CCNE2: variants seen among roughly 807,000 people sequenced by gnomAD.
CCNE2 encodes the protein G1/S-specific cyclin-E2.
A neutral mutation model predicts 56.8 loss-of-function variants in CCNE2; 18 were observed. The ratio of observed to expected loss-of-function variants is 0.32; its 90% CI spans 0.22 to 0.47. The LOEUF is 0.47. Ranked by LOEUF, CCNE2 falls within the 20% of genes least tolerant of loss-of-function variation. The pLI, the probability that CCNE2 is intolerant of heterozygous loss-of-function variation, is 1.00. For synonymous variants in CCNE2, 139 were observed against 149.2 expected (o/e 0.93, Z 0.50); for missense variants, 371 against 467.1 (o/e 0.79, Z 1.90).
intron 5 of CCNE2, among the ~76,000 whole-genome samples, chr8:94,890,817 C>T (rs1239207351): frequency 6.6e-6 from 1 of 152,008 alleles, no homozygotes; most frequent in Non-Finnish European, 1.5e-5. Flanking sequence ...TAGTCTCGAA[C>T]TCCTGGCCTC....
At position 94,880,366 on chromosome 8, in the gene CCNE2, A is replaced by C. The variant is rs1479235531; in HGVS notation, c.*1266T>G. On this transcript the variant is annotated 3_prime_UTR_variant, in exon 12 of 12. Transcript: ENST00000308108. ...CTTTTCAGACAAAATACTGAAACAA[A>C]TATTAGTTTAAAAACAAACTATACA... is the stretch of plus-strand genomic sequence containing the variant. 3.6e-6 allele frequency: 2 copies of C among 551,058 alleles called. No individual in the cohort carries two copies. The highest frequency in any genetic ancestry group is 6.5e-6 in the Non-Finnish European group (2 of 308,944). 34.1% of individuals were successfully genotyped at this position (551,058 alleles called of 1,614,324 possible).
chr8:94,882,065 C>T (rs754637542), intron 11 of CCNE2, 67 bp downstream of exon 11: 17 of 1,461,608 alleles, frequency 1.2e-5, no homozygotes, highest in Non-Finnish European at 6.5e-6. Context: ...TACTCTATTC[C>T]TACCATCAGT....
chr8:94,882,750 A>G, intron 10 of CCNE2, 31 bp downstream of exon 10: 1 of 1,407,998 alleles, frequency 7.1e-7, no homozygotes, highest in Non-Finnish European at 1.0e-6. Flanking sequence ...AGTTGTGAAA[A>G]GGTAAGAAGA....
At position 94,895,159 on chromosome 8, in the gene CCNE2, C is replaced by A. The variant is rs1003778281; in HGVS notation, c.-27+18G>T. The A allele has an allele frequency of 6.1e-6, 6 of 985,332 alleles. No individual in the cohort carries two copies. The African/African-American group carries it at 1.0e-4, about 17-fold the overall frequency. The allele number at this position is 985,332 out of a possible 1,614,324, so 61.0% of individuals were successfully genotyped here. ...TTTCTTTCCTCCCACATCCCCCCTA[C>A]GCGCAGCAACTCCTCACCGCCAGAC... On this transcript the variant is annotated intron_variant, in intron 1 of 11. Coordinates refer to ENST00000308108, the MANE Select transcript of CCNE2 (RefSeq NM_057749.3).
At chr8:94,889,750 T>C (rs923372647) in intron 6 of CCNE2, among the ~76,000 whole-genome samples, 1 of 152,192 alleles carries the variant, frequency 6.6e-6, no homozygotes, top group Admixed American at 6.5e-5. Context: ...CAGTTTGTCA[T>C]CAACATAAGT....
At chr8:94,888,818 A>T (rs1181822802) in intron 6 of CCNE2, among the ~76,000 whole-genome samples, 1 of 152,150 alleles carries the variant, frequency 6.6e-6, no homozygotes, top group African/African-American at 2.4e-5. Context: ...GAGCCATCAC[A>T]CCTGGCCACA....
At chr8:94,887,808 CAA>C (rs918990552) in intron 7 of CCNE2, 117 bp downstream of exon 7, 89 of 603,550 alleles carry the variant, frequency 1.5e-4, no homozygotes, top group Middle Eastern at 4.7e-4. Context: ...TACTGAGAAA[CAA>C]AAACATTCAC....
intron 6 of CCNE2, 23 bp downstream of exon 6, chr8:94,890,392 A>C (rs779560620): frequency 6.5e-7 from 1 of 1,543,186 alleles, no homozygotes; most frequent in Admixed American, 2.0e-5. Context: ...GAGACAAAGG[A>C]AATTTGTATT....
At chr8:94,892,715 TAC>T (rs142903883) in intron 5 of CCNE2, 101 bp downstream of exon 5, 8,128 of 619,034 alleles carry the variant, frequency 0.013, 83 homozygotes, top group South Asian at 0.016. Flanking sequence ...AAACAATTTT[TAC>T]ACGTTTTTCT....
intron 5 of CCNE2, chr8:94,891,947 C>A: frequency 8.8e-7 from 1 of 1,142,326 alleles, no homozygotes; most frequent in South Asian, 1.2e-5. Context: ...ACCTACAGAG[C>A]TCATGGTCGG....
chr8:94,893,633 C>T, intron 4 of CCNE2: 1 of 504,346 alleles, frequency 2.0e-6, no homozygotes, highest in Non-Finnish European at 3.5e-6. Context: ...TTAGGCGGGC[C>T]CTGGTGCACC....
Position 94,881,446 on chromosome 8 carries a change from CAT to C in CCNE2, c.*184_*185del, listed in dbSNP as rs1816806276. The C allele has an allele frequency of 1.7e-6, 1 of 584,896 alleles. No individual in the cohort carries two copies. The highest frequency in any genetic ancestry group is 2.9e-6 in the Non-Finnish European group (1 of 339,634). 36.2% of individuals were successfully genotyped at this position (584,896 alleles called of 1,614,324 possible). A position where few individuals can be genotyped will look rare whatever the true frequency, so the allele number is the denominator to read the frequency against. On this transcript the variant is annotated 3_prime_UTR_variant, in exon 12 of 12. Coordinates refer to ENST00000308108, the MANE Select transcript of CCNE2 (RefSeq NM_057749.3). ...GTCCTGCTGTTTCTTTAACAGCTAA[CAT>C]AGGAAATAATTAAATGTATTCTTTA...
chr8:94,890,298 AAAG>A, intron 6 of CCNE2, 114 bp downstream of exon 6: 1 of 885,700 alleles, frequency 1.1e-6, no homozygotes. Context: ...GTACCTCAAA[AAAG>A]ACAGCTTCCT....
chr8:94,880,921 G>GC lies in CCNE2; in HGVS notation c.*710dup. 2.5e-6 allele frequency: 1 copy of GC among 398,734 alleles called. No individual in the cohort carries two copies. The highest frequency in any genetic ancestry group is 3.6e-5 in the East Asian group (1 of 27,996). 24.7% of individuals were successfully genotyped at this position (398,734 alleles called of 1,614,324 possible). A position where few individuals can be genotyped will look rare whatever the true frequency, so the allele number is the denominator to read the frequency against. ...TCAAGAAAGCCCCAGTTAGGAAGGA[G>GC]CCACAGCATTTATCTTGTTTATAAT... On this transcript the variant is annotated 3_prime_UTR_variant, in exon 12 of 12. Coordinates refer to ENST00000308108, the MANE Select transcript of CCNE2 (RefSeq NM_057749.3).
intron 9 of CCNE2, 33 bp from the exon 10 acceptor site, chr8:94,882,925 G>GTACTCATCTTTCTCCTAAATT: frequency 1.5e-6 from 2 of 1,353,610 alleles, no homozygotes; most frequent in Non-Finnish European, 2.1e-6. Flanking sequence ...AAGCAATTTA[G>GTACTCATCTTTCTCCTAAATT]GAGAAAGATG....
intron 6 of CCNE2, among the ~76,000 whole-genome samples, chr8:94,889,016 C>T (rs2131112448): frequency 6.6e-6 from 1 of 152,136 alleles, no homozygotes; most frequent in South Asian, 2.1e-4. Flanking sequence ...GGTGTGGTGG[C>T]CTGCGCCTGT....
At chr8:94,895,128 C>T in intron 1 of CCNE2, 49 bp downstream of exon 1, 2 of 967,796 alleles carry the variant, frequency 2.1e-6, no homozygotes, top group Non-Finnish European at 2.5e-6. Flanking sequence ...ATCGGCCCAA[C>T]TGGGCTTTCT....
rs1422759620 is a variant in CCNE2, at chr8:94,880,486, C to T, written c.*1146G>A. On this transcript the variant is annotated 3_prime_UTR_variant, in exon 12 of 12. Coordinates refer to ENST00000308108, the MANE Select transcript of CCNE2 (RefSeq NM_057749.3). ...CAAAATAAACTAGCAATCTAGTTTT[C>T]TAATCTACTTTATGAGGCTGGATTT... 1 of 312,462 alleles carries T rather than the reference C, an allele frequency of 3.2e-6. No homozygotes were observed. Among genetic ancestry groups the T allele is most frequent in the Non-Finnish European group, 5.7e-6 (1 of 174,274 alleles). The allele number at this position is 312,462 out of a possible 1,614,324, so 19.4% of individuals were successfully genotyped here. A position where few individuals can be genotyped will look rare whatever the true frequency, so the allele number is the denominator to read the frequency against.
rs1205795769 is a variant in CCNE2 at position 94,881,606 on chromosome 8, C to T, written c.*26G>A. 6.2e-7 allele frequency: 1 copy of T among 1,609,586 alleles called. No homozygotes were observed. Among genetic ancestry groups the T allele is most frequent in the Non-Finnish European group, 8.5e-7 (1 of 1,178,498 alleles). On this transcript the variant is annotated 3_prime_UTR_variant, in exon 12 of 12. Coordinates refer to ENST00000308108, the MANE Select transcript of CCNE2 (RefSeq NM_057749.3). ...CAGTTCTACCCAATCTTGGTGAATT[C>T]CAACTTGTTTGCTTAGTTATCTTCT...
Sources: allele counts gnomAD v4.1 joint callset (sites outside exome capture counted in the v4.1 genomes callset), GRCh38; gene constraint gnomAD v4.1.1; transcripts MANE v1.5; gene names NCBI Gene and HGNC (gene_info 2026-07-23, HGNC 2026-07-21).